UNC5D: variants seen among roughly 807,000 people sequenced by gnomAD.
UNC5D encodes the protein unc-5 netrin receptor D, also known as netrin receptor UNC5D.
In UNC5D, 39 loss-of-function variants were observed where a neutral mutation model predicts 105.4. That is an observed-to-expected ratio of 0.37 (90% CI 0.29 to 0.48). UNC5D has a LOEUF of 0.48. UNC5D is among the 20% of genes least tolerant of loss of function. UNC5D has a pLI of 0.98. For missense variants in UNC5D, 991 were observed against 1,202.4 expected (o/e 0.82, Z 2.60); for synonymous variants, 452 against 450.4 (o/e 1.00, Z -0.04).
intron 4 of UNC5D, among the ~76,000 whole-genome samples, chr8:35,632,984 C>A (rs1822134089): frequency 6.6e-6 from 1 of 152,200 alleles, no homozygotes; most frequent in Non-Finnish European, 1.5e-5. Flanking sequence ...CAATCAGCTC[C>A]CTCCTACAGA....
chr8:35,338,203 C>T (rs774552522), intron 1 of UNC5D, among the ~76,000 whole-genome samples: 33 of 151,988 alleles, frequency 2.2e-4, no homozygotes, highest in Non-Finnish European at 4.3e-4. Context: ...AGAAATTGCA[C>T]CAGAAATTCT....
chr8:35,417,405 A>C (rs899318036), intron 1 of UNC5D, among the ~76,000 whole-genome samples: 2 of 151,506 alleles, frequency 1.3e-5, no homozygotes, highest in African/African-American at 2.4e-5. Context: ...TCTCAGATTC[A>C]CTGGGCAGTG....
chr8:35,577,099 A>T (rs559112512), intron 3 of UNC5D, among the ~76,000 whole-genome samples: 2 of 152,244 alleles, frequency 1.3e-5, no homozygotes, highest in East Asian at 3.9e-4. Context: ...TTTTTTCAGA[A>T]GTGTTTTAGA....
intron 3 of UNC5D, 107 bp downstream of exon 3, chr8:35,568,348 G>C: frequency 7.0e-7 from 1 of 1,426,072 alleles, no homozygotes; most frequent in Non-Finnish European, 9.4e-7. Flanking sequence ...ATGTAAATGA[G>C]AGGTCTTAAA....
intron 1 of UNC5D, among the ~76,000 whole-genome samples, chr8:35,347,819 G>A (rs187921001): frequency 6.6e-6 from 1 of 152,056 alleles, no homozygotes; most frequent in East Asian, 1.9e-4. Flanking sequence ...TAATTCAGTT[G>A]AAATATCACT....
At chr8:35,781,488 G>T (rs182483422) in intron 16 of UNC5D, among the ~76,000 whole-genome samples, 1 of 152,026 alleles carries the variant, frequency 6.6e-6, no homozygotes, top group Non-Finnish European at 1.5e-5. Context: ...ATAAACTAAC[G>T]TTTTCAGAAA....
At chr8:35,290,874 G>T (rs992960578) in intron 1 of UNC5D, among the ~76,000 whole-genome samples, 6 of 151,594 alleles carry the variant, frequency 4.0e-5, no homozygotes, top group Non-Finnish European at 5.9e-5. Flanking sequence ...CTTGAACCTG[G>T]GAGGTAGAGG....
intron 1 of UNC5D, among the ~76,000 whole-genome samples, chr8:35,247,275 GAT>G (rs1491316905): frequency 6.3e-5 from 2 of 31,508 alleles, no homozygotes; most frequent in Admixed American, 5.1e-4. Context: ...AAATTACAGA[GAT>G]TTTTTTTTTT....
intron 1 of UNC5D, among the ~76,000 whole-genome samples, chr8:35,310,115 G>A (rs1348347023): frequency 6.6e-6 from 1 of 151,924 alleles, no homozygotes; most frequent in Non-Finnish European, 1.5e-5. Context: ...AAAGTTTCTA[G>A]TGTCTCTTTA....
intron 8 of UNC5D, among the ~76,000 whole-genome samples, chr8:35,721,639 C>T (rs1828589162): frequency 6.6e-6 from 1 of 152,184 alleles, no homozygotes; most frequent in African/African-American, 2.4e-5. Flanking sequence ...ACTGTATGCC[C>T]TAAACTGATG....
intron 1 of UNC5D, among the ~76,000 whole-genome samples, chr8:35,395,938 A>C (rs1804069253): frequency 6.6e-6 from 1 of 152,188 alleles, no homozygotes; most frequent in African/African-American, 2.4e-5. Flanking sequence ...TCAGGAAAAT[A>C]CTTTTATCAG....
chr8:35,625,822 C>T (rs1375827978), intron 4 of UNC5D, among the ~76,000 whole-genome samples: 1 of 152,178 alleles, frequency 6.6e-6, no homozygotes, highest in Non-Finnish European at 1.5e-5. Context: ...TGAAGACTTA[C>T]TGGCTTCAGT....
At chr8:35,436,941 G>A (rs1249412585) in intron 1 of UNC5D, among the ~76,000 whole-genome samples, 1 of 151,886 alleles carries the variant, frequency 6.6e-6, no homozygotes, top group East Asian at 1.9e-4. Context: ...ATGTTTAATA[G>A]CAATACTTGA....
At chr8:35,347,908 C>T (rs2128907731) in intron 1 of UNC5D, among the ~76,000 whole-genome samples, 1 of 152,118 alleles carries the variant, frequency 6.6e-6, no homozygotes, top group African/African-American at 2.4e-5. Context: ...GAAGATCTAA[C>T]AGAAACACAG....
intron 4 of UNC5D, among the ~76,000 whole-genome samples, chr8:35,638,226 G>T (rs578050721): frequency 2.0e-5 from 3 of 151,976 alleles, no homozygotes; most frequent in Admixed American, 1.3e-4. Flanking sequence ...AAATCATTAC[G>T]CATAGTAACT....
chr8:35,314,499 C>A (rs534269597), intron 1 of UNC5D, among the ~76,000 whole-genome samples: 1 of 152,108 alleles, frequency 6.6e-6, no homozygotes, highest in East Asian at 1.9e-4. Context: ...GACAACAGCT[C>A]TATTTTAAAA....
At chr8:35,611,010 CA>C (rs11314770) in intron 4 of UNC5D, among the ~76,000 whole-genome samples, 16,158 of 60,208 alleles carry the variant, frequency 0.27, 850 homozygotes, top group East Asian at 0.34. Flanking sequence ...GACAAAGAAG[CA>C]AAAAAAAAAA....
intron 1 of UNC5D, among the ~76,000 whole-genome samples, chr8:35,361,557 T>G (rs1440175106): frequency 1.3e-5 from 2 of 152,160 alleles, no homozygotes; most frequent in Admixed American, 1.3e-4. Flanking sequence ...TGATTTCTTT[T>G]CGGTGGGGTA....
chr8:35,383,234 T>C (rs751188180), intron 1 of UNC5D, among the ~76,000 whole-genome samples: 2 of 152,144 alleles, frequency 1.3e-5, no homozygotes, highest in Non-Finnish European at 2.9e-5. Context: ...GTAGAACTCA[T>C]GCCTTTTTAT....
Sources: gnomAD v4.1 joint callset for allele counts (sites outside exome capture counted in the v4.1 genomes callset) on GRCh38, gnomAD v4.1.1 for gene constraint, MANE v1.5 for transcripts, NCBI Gene and HGNC (gene_info 2026-07-23, HGNC 2026-07-21) for gene names.